The following TRAPPC9 variants were observed in gnomAD, a reference collection of about 807,000 sequenced individuals.
TRAPPC9 encodes the protein trafficking protein particle complex subunit 9.
In TRAPPC9, 83 loss-of-function variants were observed where a neutral mutation model predicts 124.0. The ratio of observed to expected loss-of-function variants is 0.67; its 90% CI spans 0.56 to 0.80. TRAPPC9 has a LOEUF of 0.80. TRAPPC9 is among the 30% of genes least tolerant of loss of function. The pLI is 0.00. For synonymous variants in TRAPPC9, 638 were observed against 617.5 expected, an observed-to-expected ratio of 1.03 and a Z score of -0.49; for missense variants, 1,302 against 1,508.3, an observed-to-expected ratio of 0.86 and a Z score of 2.27.
chr8:140,195,908 A>G (rs2062648931), intron 17 of TRAPPC9, among the ~76,000 whole-genome samples: 1 of 75,656 alleles, frequency 1.3e-5, no homozygotes, highest in Non-Finnish European at 3.4e-5. Context: ...CTGTGACACT[A>G]AAACACACTC....
intron 9 of TRAPPC9, among the ~76,000 whole-genome samples, chr8:140,318,034 AT>A (rs951634027): frequency 6.6e-6 from 1 of 152,212 alleles, no homozygotes; most frequent in Admixed American, 6.5e-5. Flanking sequence ...GAAAATGCTC[AT>A]TTTTTAGCAA....
At chr8:139,985,213 T>C (rs188247605) in intron 19 of TRAPPC9, among the ~76,000 whole-genome samples, 1 of 152,376 alleles carries the variant, frequency 6.6e-6, no homozygotes, top group Non-Finnish European at 1.5e-5. Context: ...GGATTGTTAA[T>C]GTCATCAGCC....
At chr8:140,279,632 G>A (rs1033855183) in intron 14 of TRAPPC9, among the ~76,000 whole-genome samples, 21 of 152,166 alleles carry the variant, frequency 1.4e-4, no homozygotes, top group Non-Finnish European at 1.9e-4. Context: ...CGTGGTGGCC[G>A]CCCACAGCAG....
At chr8:140,434,738 A>C (rs2070752476) in intron 4 of TRAPPC9, among the ~76,000 whole-genome samples, 1 of 152,168 alleles carries the variant, frequency 6.6e-6, no homozygotes, top group Admixed American at 6.5e-5. Context: ...TGGGAGGCCG[A>C]GGCGGGTGGA....
At chr8:139,874,571 C>A (rs1422651438) in intron 21 of TRAPPC9, among the ~76,000 whole-genome samples, 2 of 152,226 alleles carry the variant, frequency 1.3e-5, no homozygotes, top group Non-Finnish European at 2.9e-5. Flanking sequence ...AAGGAAAGGG[C>A]TGGATAAGCC....
chr8:140,056,348 T>A (rs76841921), intron 17 of TRAPPC9, among the ~76,000 whole-genome samples: 14,629 of 151,740 alleles, frequency 0.096, 1,349 homozygotes, highest in African/African-American at 0.24. Flanking sequence ...AGTTTGAGGA[T>A]GCAGTGAGCT....
chr8:139,874,819 C>T (rs948008349), intron 21 of TRAPPC9, among the ~76,000 whole-genome samples: 1 of 152,168 alleles, frequency 6.6e-6, no homozygotes, highest in African/African-American at 2.4e-5. Context: ...GAACAACAAG[C>T]ATGGCCACAG....
chr8:140,377,206 C>T (rs1275536316), intron 7 of TRAPPC9, among the ~76,000 whole-genome samples: 7 of 152,186 alleles, frequency 4.6e-5, no homozygotes, highest in African/African-American at 1.7e-4. Flanking sequence ...AGTGAGCAAG[C>T]GAGTTCATGT....
intron 17 of TRAPPC9, among the ~76,000 whole-genome samples, chr8:140,157,105 C>CTTTCCATTCAAAAGCCTCCCT (rs2061657994): frequency 4.4e-5 from 4 of 91,194 alleles, no homozygotes; most frequent in Non-Finnish European, 6.4e-5. Flanking sequence ...AGAAGCCTCC[C>CTTTCCATTCAAAAGCCTCCCT]TTTCCATTCA....
chr8:140,456,192 G>A (rs1255276795), intron 1 of TRAPPC9, among the ~76,000 whole-genome samples: 1 of 152,116 alleles, frequency 6.6e-6, no homozygotes, highest in Non-Finnish European at 1.5e-5. Flanking sequence ...GGTGGATCAC[G>A]AGGTCAGGAG....
intron 21 of TRAPPC9, among the ~76,000 whole-genome samples, chr8:139,782,378 A>G (rs1821892987): frequency 6.6e-6 from 1 of 152,210 alleles, no homozygotes; most frequent in African/African-American, 2.4e-5. Context: ...CCGCTCCCAG[A>G]AAAGGGGGGA....
intron 10 of TRAPPC9, 63 bp from the exon 11 acceptor site, chr8:140,300,677 A>G: frequency 6.3e-7 from 1 of 1,595,350 alleles, no homozygotes; most frequent in Non-Finnish European, 8.6e-7. Context: ...CAGGATAAAC[A>G]TAACCAAACA....
At chr8:140,159,583 T>G (rs773632925) in intron 17 of TRAPPC9, among the ~76,000 whole-genome samples, 1 of 152,224 alleles carries the variant, frequency 6.6e-6, no homozygotes, top group African/African-American at 2.4e-5. Context: ...AATGCCAGAA[T>G]GTCTTCTGAA....
chr8:139,747,917 G>T (rs1819034702), intron 21 of TRAPPC9, among the ~76,000 whole-genome samples: 1 of 86,512 alleles, frequency 1.2e-5, no homozygotes, highest in Non-Finnish European at 2.1e-5. Context: ...GGGCATACAG[G>T]GGTCAGAGTG....
chr8:139,780,716 G>C (rs1821753372), intron 21 of TRAPPC9, among the ~76,000 whole-genome samples: 1 of 151,944 alleles, frequency 6.6e-6, no homozygotes, highest in African/African-American at 2.4e-5. Context: ...CTCTGTTAAA[G>C]ACACCACCAA....
chr8:140,255,483 A>G (rs2064230578), intron 15 of TRAPPC9, among the ~76,000 whole-genome samples: 1 of 152,244 alleles, frequency 6.6e-6, no homozygotes, highest in African/African-American at 2.4e-5. Flanking sequence ...ATGATCTGGG[A>G]AAAGACAGAT....
At chr8:140,345,061 C>T (rs1439548716) in intron 9 of TRAPPC9, among the ~76,000 whole-genome samples, 1 of 152,176 alleles carries the variant, frequency 6.6e-6, no homozygotes, top group African/African-American at 2.4e-5. Context: ...GAAGCGAAGG[C>T]AGGGTGGGCG....
chr8:140,026,641 G>A (rs144635611), intron 17 of TRAPPC9, among the ~76,000 whole-genome samples: 7 of 152,212 alleles, frequency 4.6e-5, no homozygotes, highest in Non-Finnish European at 1.0e-4. Flanking sequence ...CTTCTTTGGA[G>A]AAATTTCTAT....
intron 14 of TRAPPC9, among the ~76,000 whole-genome samples, chr8:140,279,629 G>T (rs1295720923): frequency 6.6e-6 from 1 of 152,122 alleles, no homozygotes; most frequent in East Asian, 1.9e-4. Flanking sequence ...TGCCGTGGTG[G>T]CCGCCCACAG....
Sources: gnomAD v4.1 joint callset for allele counts (sites outside exome capture counted in the v4.1 genomes callset) on GRCh38, gnomAD v4.1.1 for gene constraint, MANE v1.5 for transcripts, NCBI Gene and HGNC (gene_info 2026-07-23, HGNC 2026-07-21) for gene names.